The following STK33 variants were observed in gnomAD, a reference collection of about 807,000 sequenced individuals.
STK33 encodes serine/threonine-protein kinase 33.
Under a neutral mutation model 58.0 loss-of-function variants are expected in STK33, and 52 were observed. The observed-to-expected ratio is 0.90, with a 90% CI of 0.72 to 1.13. STK33 has a LOEUF of 1.13. Among genes scored for constraint, STK33 ranks in the 50% most tolerant of loss-of-function variants. The probability of loss-of-function intolerance (pLI) is 0.00; values close to 1 mark genes in which losing one functional copy is unlikely to be tolerated. For synonymous variants in STK33, 215 were observed against 200.1 expected (o/e 1.07, Z -0.63); for missense variants, 630 against 604.2 (o/e 1.04, Z -0.45).
chr11:8,471,677 T>C (rs1948794540), intron 6 of STK33, among the ~76,000 whole-genome samples: 3 of 152,142 alleles, frequency 2.0e-5, no homozygotes, highest in South Asian at 2.1e-4. Context: ...ACTTCAACTA[T>C]ACCAAGTTAA....
chr11:8,440,234 T>C (rs1234781087), intron 12 of STK33, among the ~76,000 whole-genome samples: 1 of 152,072 alleles, frequency 6.6e-6, no homozygotes, highest in Admixed American at 6.6e-5. Context: ...TGTAGAATAC[T>C]CCCTAGATCC....
At chr11:8,361,054 G>C in the STK33 span, among the ~76,000 whole-genome samples, 1 of 152,138 alleles carries the variant, frequency 6.6e-6, no homozygotes, top group Non-Finnish European at 1.5e-5. This position sits in a 1 kb window ranked among gnomAD's most constrained non-coding sequence, Gnocchi z 4.8. Context: ...TACCACATAC[G>C]GCCAGGCCCA....
intron 1 of STK33, among the ~76,000 whole-genome samples, chr11:8,557,923 A>G (rs2140872235): frequency 6.6e-6 from 1 of 152,358 alleles, no homozygotes; most frequent in African/African-American, 2.4e-5. Context: ...CAATGTAATG[A>G]ACCTTAAGTC....
chr11:8,542,536 G>A (rs1486306542), intron 1 of STK33, among the ~76,000 whole-genome samples: 1 of 152,110 alleles, frequency 6.6e-6, no homozygotes, highest in African/African-American at 2.4e-5. Context: ...AACCAAGGAT[G>A]CTGCAAAACA....
intron 14 of STK33, among the ~76,000 whole-genome samples, chr11:8,434,948 C>T (rs540772842): frequency 6.6e-6 from 1 of 152,278 alleles, no homozygotes; most frequent in Admixed American, 6.5e-5. Flanking sequence ...TTCCAAAGTT[C>T]CTGCTGTGGC....
At chr11:8,536,322 A>T (rs1356826896) in intron 1 of STK33, among the ~76,000 whole-genome samples, 1 of 152,206 alleles carries the variant, frequency 6.6e-6, no homozygotes, top group African/African-American at 2.4e-5. Context: ...AATTTGTACA[A>T]ATTTTTTAAA....
intron 1 of STK33, among the ~76,000 whole-genome samples, chr11:8,508,457 T>C (rs762950900): frequency 4.6e-5 from 7 of 151,786 alleles, no homozygotes; most frequent in Non-Finnish European, 8.8e-5. Flanking sequence ...TTTATTGCAG[T>C]GATGGAGTCT....
At chr11:8,562,436 G>T (rs372424221) in intron 1 of STK33, among the ~76,000 whole-genome samples, 2 of 152,092 alleles carry the variant, frequency 1.3e-5, no homozygotes, top group Admixed American at 1.3e-4. Flanking sequence ...GTCCCAACAC[G>T]AAAACCTTAC....
At position 8,435,919 on chromosome 11, in the gene STK33, A is replaced by G. The variant is rs139807789; in HGVS notation, c.1060+108T>C. On this transcript the variant is annotated intron_variant, in intron 13 of 15. Coordinates refer to ENST00000687296, the MANE Select transcript of STK33 (RefSeq NM_001352389.2). The stretch of plus-strand genomic sequence containing the variant: ...CCACAAGTAAATAGTGTTCATTTCC[A>G]CAAGTAAATTTAATGACTAAACAGA... The G allele has an allele frequency of 1.7e-3, 950 of 575,562 alleles. 17 individuals are homozygous for G. In the East Asian group the frequency reaches 0.025, roughly 15 times the overall value. The allele number at this position is 575,562 out of a possible 1,614,324, so 35.7% of individuals were successfully genotyped here.
At chr11:8,376,571 C>A in the STK33 span, among the ~76,000 whole-genome samples, 3 of 151,284 alleles carry the variant, frequency 2.0e-5, no homozygotes, top group South Asian at 6.3e-4. Context: ...TAGATGGAGT[C>A]TCACTCTGTC....
chr11:8,575,806 G>A (rs1021009366), intron 1 of STK33, among the ~76,000 whole-genome samples: 1 of 152,120 alleles, frequency 6.6e-6, no homozygotes. Flanking sequence ...AAAATGTATG[G>A]TTGGGTTAAC....
At chr11:8,489,305 A>G (rs938900391) in intron 1 of STK33, among the ~76,000 whole-genome samples, 2 of 151,726 alleles carry the variant, frequency 1.3e-5, no homozygotes, top group Non-Finnish European at 2.9e-5. Flanking sequence ...AAAGAACTAA[A>G]AGAAAGTATA....
At chr11:8,554,522 T>C (rs1397003601) in intron 1 of STK33, among the ~76,000 whole-genome samples, 1 of 151,906 alleles carries the variant, frequency 6.6e-6, no homozygotes, top group African/African-American at 2.4e-5. Flanking sequence ...TATCACTAAT[T>C]ATCAGATAAA....
intron 14 of STK33, among the ~76,000 whole-genome samples, chr11:8,426,671 AT>A (rs1942810250): frequency 1.3e-5 from 2 of 152,000 alleles, no homozygotes; most frequent in South Asian, 4.1e-4. Flanking sequence ...GACCTTGTCG[AT>A]CTTTTCTATT....
chr11:8,359,875 C>A, the STK33 span, among the ~76,000 whole-genome samples: 2 of 151,658 alleles, frequency 1.3e-5, no homozygotes, highest in Non-Finnish European at 3.0e-5. Context: ...GGGGCTCCAG[C>A]TTTCTTAGAA....
intron 1 of STK33, among the ~76,000 whole-genome samples, chr11:8,530,448 C>T (rs1480135907): frequency 6.7e-6 from 1 of 150,230 alleles, no homozygotes. Context: ...GTATTTATTA[C>T]ACATGTTGGA....
chr11:8,360,717 G>A, the STK33 span, among the ~76,000 whole-genome samples: 10 of 152,206 alleles, frequency 6.6e-5, no homozygotes, highest in Non-Finnish European at 1.5e-4. Context: ...TTGCTGGCTG[G>A]CACCCAGCAT....
intron 1 of STK33, among the ~76,000 whole-genome samples, chr11:8,573,758 A>T (rs1378430758): frequency 6.6e-6 from 1 of 152,248 alleles, no homozygotes; most frequent in African/African-American, 2.4e-5. Context: ...AATAAAAAGG[A>T]ATATGCAACA....
At chr11:8,488,350 C>A (rs796193593) in intron 1 of STK33, among the ~76,000 whole-genome samples, 10 of 152,210 alleles carry the variant, frequency 6.6e-5, no homozygotes, top group African/African-American at 2.4e-4. Flanking sequence ...AAAACTCCAA[C>A]ATATTCCTAG....
Sources: gnomAD v4.1 joint callset for allele counts (sites outside exome capture counted in the v4.1 genomes callset) on GRCh38, gnomAD v4.1.1 for gene constraint, Gnocchi (gnomAD v3.1) non-coding constraint, MANE v1.5 for transcripts, NCBI Gene and HGNC (gene_info 2026-07-23, HGNC 2026-07-21) for gene names.